Variants in AKAP8 observed in about 807,000 individuals in gnomAD.
AKAP8 encodes A-kinase anchor protein 8.
Under a neutral mutation model 67.5 loss-of-function variants are expected in AKAP8, and 24 were observed. The ratio of observed to expected loss-of-function variants is 0.36; its 90% confidence interval spans 0.26 to 0.50. The LOEUF is 0.50. Among genes scored for constraint, AKAP8 ranks in the 20% least tolerant of loss-of-function variants. The pLI, the probability that AKAP8 is intolerant of heterozygous loss-of-function variation, is 0.97. For synonymous variants in AKAP8, 400 were observed against 371.1 expected, an observed-to-expected ratio of 1.08 and a Z score of -0.90; for missense variants, 971 against 955.9, an observed-to-expected ratio of 1.02 and a Z score of -0.21.
intron 9 of AKAP8, among the ~76,000 whole-genome samples, chr19:15,363,239 C>T (rs1279823198): frequency 4.6e-4 from 69 of 151,238 alleles, no homozygotes; most frequent in African/African-American, 1.6e-3. Context: ...GGGGATCAGC[C>T]CCCCGCCCGG....
At position 15,373,305 on chromosome 19, in the gene AKAP8, G is replaced by A; in HGVS notation, c.407C>T (p.Ser136Phe). 2.5e-6 allele frequency: 4 copies of A among 1,613,158 alleles called. No individual in the cohort carries two copies. Among genetic ancestry groups the A allele is most frequent in the Non-Finnish European group, 3.4e-6 (4 of 1,179,740 alleles). Residue 136 changes from serine (S) to phenylalanine (F), a missense_variant, in exon 5 of 14, where the codon TCC (serine) becomes TTC (phenylalanine). By Grantham distance (155) the Ser-to-Phe change is radical. Around this residue, in one of 3 missense-constraint regions of AKAP8, gnomAD observed 763 missense variants for 745.4 expected, o/e 1.02. Coordinates refer to ENST00000269701, the MANE Select transcript of AKAP8 (RefSeq NM_005858.4). Reference protein sequence around the residue: ...FRFQPFESYDSRPCLPEHNPY... With the variant: ...FRFQPFESYDFRPCLPEHNPY... ...GTTGTGCTCCGGCAGGCAGGGCCTG[G>A]AGTCATAGGACTCGAACGGCTGGAA... is the stretch of plus-strand genomic sequence containing the variant.
rs1161598305 is a variant in AKAP8 at position 15,372,935 on chromosome 19, C to T, written c.777G>A (p.Met259Ile). 2 of 1,534,334 alleles carry T rather than the reference C, an allele frequency of 1.3e-6. No homozygotes were observed. Among genetic ancestry groups the T allele is most frequent in the Admixed American group, 4.2e-5 (2 of 47,582 alleles). The change falls in exon 5 of 14, where the codon ATG (methionine) becomes ATA (isoleucine). Residue 259 changes from methionine to isoleucine, a missense_variant. Physicochemically the swap from Met to Ile is conservative, Grantham distance 10. Around this residue, in one of 3 missense-constraint regions of AKAP8, gnomAD observed 763 missense variants for 745.4 expected, o/e 1.02. Transcript: ENST00000269701. ...SQSMAPDYGV[M>I]GMQGAGGYDS... ...CATAGCCGCCCGCCCCCTGCATGCC[C>T]ATCACGCCGTAGTCGGGAGCCATGG...
intron 7 of AKAP8, among the ~76,000 whole-genome samples, chr19:15,370,654 C>T (rs902761373): frequency 1.3e-5 from 1 of 78,230 alleles, no homozygotes; most frequent in African/African-American, 5.5e-5. Flanking sequence ...TTTTTTGAGA[C>T]GGAGTCTCGC....
chr19:15,364,265 G>A (rs892163376), intron 9 of AKAP8, among the ~76,000 whole-genome samples: 9 of 149,782 alleles, frequency 6.0e-5, no homozygotes, highest in African/African-American at 1.5e-4. Flanking sequence ...AGGTTCAAGC[G>A]ATTCTCCTGC....
At chr19:15,361,296 T>C (rs556805465) in intron 11 of AKAP8, among the ~76,000 whole-genome samples, 43 of 151,960 alleles carry the variant, frequency 2.8e-4, no homozygotes, top group African/African-American at 1.0e-3. Context: ...TGAGCGCTCT[T>C]CCCACGGGTC....
Position 15,354,630 on chromosome 19 carries a change from G to A in AKAP8, c.*285C>T, listed in dbSNP as rs1393046906. 2.2e-6 allele frequency: 1 copy of A among 445,504 alleles called. No individual in the cohort carries two copies. The allele number at this position is 445,504 out of a possible 1,614,324, so 27.6% of individuals were successfully genotyped here. On this transcript the variant is annotated 3_prime_UTR_variant, in exon 14 of 14. Coordinates refer to ENST00000269701, the MANE Select transcript of AKAP8 (RefSeq NM_005858.4). Reference sequence around the variant, plus strand: ...TATTGAACAAGTAATGTATCATCAAGATATAATCACCCAACCTTTATTATT... The same window carrying A: ...TATTGAACAAGTAATGTATCATCAAAATATAATCACCCAACCTTTATTATT...
chr19:15,363,964 C>CT (rs1283399447), intron 9 of AKAP8, among the ~76,000 whole-genome samples: 1 of 151,686 alleles, frequency 6.6e-6, no homozygotes, highest in African/African-American at 2.4e-5. Context: ...AGGCAGCATG[C>CT]CAAGAGTCGT....
chr19:15,372,112 A>G, intron 6 of AKAP8, 106 bp downstream of exon 6: 2 of 1,608,792 alleles, frequency 1.2e-6, no homozygotes, highest in Non-Finnish European at 1.7e-6. Context: ...TGGGGTTGAA[A>G]CATGCCACCT....
chr19:15,358,386 A>G (rs7248490), intron 13 of AKAP8, among the ~76,000 whole-genome samples: 120,629 of 151,022 alleles, frequency 0.8, 48,390 homozygotes, highest in East Asian at 0.99. Flanking sequence ...ATGGGGTCTC[A>G]CTCTGTCACC....
chr19:15,368,857 C>A (rs771129407), intron 8 of AKAP8: 84 of 985,148 alleles, frequency 8.5e-5, no homozygotes, highest in Non-Finnish European at 9.6e-5. Flanking sequence ...CTATCTTCCA[C>A]TCACAAAAAC....
At chr19:15,364,576 C>T (rs1423090707) in intron 9 of AKAP8, among the ~76,000 whole-genome samples, 8 of 152,182 alleles carry the variant, frequency 5.3e-5, no homozygotes, top group Non-Finnish European at 1.0e-4. Flanking sequence ...GTCTCGAACT[C>T]CTGACCTCGT....
chr19:15,373,517 G>C (rs767880560), intron 4 of AKAP8, among the ~76,000 whole-genome samples, 177 bp from the exon 5 acceptor site: 36 of 152,150 alleles, frequency 2.4e-4, no homozygotes, highest in Admixed American at 1.0e-3. Context: ...CTGCTGAGCA[G>C]GGGACAGAGC....
intron 2 of AKAP8, among the ~76,000 whole-genome samples, chr19:15,376,696 A>G (rs1356136468): frequency 6.6e-6 from 1 of 152,236 alleles, no homozygotes; most frequent in African/African-American, 2.4e-5. Context: ...GCCAAAATAG[A>G]GTATTCACTA....
intron 8 of AKAP8, 103 bp from the exon 9 acceptor site, chr19:15,368,425 C>T (rs963154171): frequency 6.3e-7 from 1 of 1,587,626 alleles, no homozygotes; most frequent in Admixed American, 1.7e-5. Context: ...CACCCTGTGC[C>T]CTGCCACTGC....
At chr19:15,374,216 C>T in intron 3 of AKAP8, 151 bp from the exon 4 acceptor site, 1 of 1,007,438 alleles carries the variant, frequency 9.9e-7, no homozygotes, top group Non-Finnish European at 1.4e-6. Flanking sequence ...GCACTGTGAC[C>T]TGCCAAGAGG....
chr19:15,357,588 G>A (rs1434192221), intron 13 of AKAP8, among the ~76,000 whole-genome samples: 4 of 151,022 alleles, frequency 2.6e-5, no homozygotes, highest in Non-Finnish European at 5.9e-5. Context: ...GGTACCAAGA[G>A]AACAAGACCC....
intron 11 of AKAP8, among the ~76,000 whole-genome samples, chr19:15,361,259 C>G (rs951850960): frequency 7.7e-5 from 5 of 65,350 alleles, no homozygotes; most frequent in African/African-American, 4.3e-4. Context: ...TGCAAGGCCA[C>G]ATCCGAAGGT....
chr19:15,359,158 C>A (rs939393898), intron 12 of AKAP8, 96 bp from the exon 13 acceptor site: 1 of 1,124,914 alleles, frequency 8.9e-7, no homozygotes, highest in Admixed American at 2.0e-5. Context: ...GAGATCAGCC[C>A]TATGCAGAGA....
intron 13 of AKAP8, among the ~76,000 whole-genome samples, chr19:15,357,516 G>A (rs1966900271): frequency 6.6e-6 from 1 of 151,288 alleles, no homozygotes; most frequent in Admixed American, 6.6e-5. Flanking sequence ...GCTGAGTGGG[G>A]AGGATCTCTT....
Sources: allele counts gnomAD v4.1 joint callset (sites outside exome capture counted in the v4.1 genomes callset), GRCh38; gene constraint gnomAD v4.1.1; regional missense constraint gnomAD v4.1.1; transcripts MANE v1.5; gene names NCBI Gene and HGNC (gene_info 2026-07-23, HGNC 2026-07-21).